Variants in P2RX1 observed in about 807,000 individuals in gnomAD.
P2RX1 encodes purinergic receptor P2X 1.
P2RX1 carries 42 observed loss-of-function variants against 50.3 expected under a neutral mutation model. The ratio of observed to expected loss-of-function variants is 0.83; its 90% CI spans 0.65 to 1.08. P2RX1 has a LOEUF of 1.08. Ranked by LOEUF, P2RX1 falls within the 50% of genes least tolerant of loss-of-function variation. The pLI, the probability that P2RX1 is intolerant of heterozygous loss-of-function variation, is 0.00. For missense variants in P2RX1, 449 were observed against 529.0 expected (o/e 0.85, Z 1.48); for synonymous variants, 199 against 202.6 (o/e 0.98, Z 0.15).
Position 3,905,331 on chromosome 17 carries a change from C to T in P2RX1, c.174G>A (p.Ser58=), listed in dbSNP as rs145994135. 1.9e-4 allele frequency: 310 copies of T among 1,613,792 alleles called. No individual in the cohort carries two copies. Among genetic ancestry groups the T allele is most frequent in the Non-Finnish European group, 2.3e-4 (267 of 1,180,036 alleles). ...VFLYEKGYQT[S]SGLISSVSVK... ...CAGAGACACTGCTGATGAGGCCGCT[C>T]GAGGTCTGGTAGCCCTTCTCATAGA... Residue 58 remains serine, a synonymous_variant, in exon 2 of 12, where the codon TCG becomes TCA. Coordinates refer to ENST00000225538, the MANE Select transcript of P2RX1 (RefSeq NM_002558.4).
chr17:3,913,210 C>T (rs1408386396), intron 1 of P2RX1, among the ~76,000 whole-genome samples: 1 of 151,302 alleles, frequency 6.6e-6, no homozygotes, highest in Non-Finnish European at 1.5e-5. Context: ...CAGCTCCACT[C>T]TGCCTCCAGG....
intron 1 of P2RX1, among the ~76,000 whole-genome samples, chr17:3,908,052 T>C (rs576792140): frequency 6.6e-5 from 10 of 152,260 alleles, no homozygotes; most frequent in African/African-American, 1.9e-4. Context: ...CGGTCTCAAG[T>C]GTCCCCATGC....
intron 1 of P2RX1, among the ~76,000 whole-genome samples, chr17:3,908,855 G>A (rs577770261): frequency 3.9e-5 from 6 of 152,332 alleles, no homozygotes; most frequent in Admixed American, 1.3e-4. Context: ...CAGCTGTGTG[G>A]CTTCAGGCTA....
At chr17:3,902,881 T>C (rs1280840123) in intron 7 of P2RX1, among the ~76,000 whole-genome samples, 1 of 151,968 alleles carries the variant, frequency 6.6e-6, no homozygotes, top group East Asian at 1.9e-4. Context: ...AGTGCTGGGA[T>C]TATAGGCACG....
At chr17:3,912,182 C>T (rs1181340463) in intron 1 of P2RX1, among the ~76,000 whole-genome samples, 1 of 152,210 alleles carries the variant, frequency 6.6e-6, no homozygotes, top group Non-Finnish European at 1.5e-5. Context: ...AGGAATTCCT[C>T]ATCCCCTCTC....
rs57174720 is a variant in P2RX1, at chr17:3,898,161, C to T, written c.1033-51G>A. ...CAGCGTGGGAATCCGGGGGTGGGTA[C>T]GGAGCCCTCCACATCCCACCTCAGT... is the stretch of plus-strand genomic sequence containing the variant. On this transcript the variant is annotated intron_variant, in intron 10 of 11. Coordinates refer to ENST00000225538, the MANE Select transcript of P2RX1 (RefSeq NM_002558.4). The T allele has an allele frequency of 0.01, 14,814 of 1,478,038 alleles. 1,188 individuals are homozygous for T. The African/African-American group carries it at 0.18, about 18-fold the overall frequency. 91.6% of individuals were successfully genotyped at this position (1,478,038 alleles called of 1,614,324 possible). A position where few individuals can be genotyped will look rare whatever the true frequency, so the allele number is the denominator to read the frequency against.
intron 7 of P2RX1, among the ~76,000 whole-genome samples, chr17:3,902,045 A>C (rs1438955375): frequency 6.6e-6 from 1 of 152,202 alleles, no homozygotes; most frequent in African/African-American, 2.4e-5. Context: ...CTTCTTCGGA[A>C]TCCCAGGTGA....
At chr17:3,899,052 G>T in intron 8 of P2RX1, 28 bp from the exon 9 acceptor site, 2 of 1,498,698 alleles carry the variant, frequency 1.3e-6, no homozygotes, top group South Asian at 1.1e-5. Flanking sequence ...GTGGCAGGAG[G>T]GTGATGGAGG....
At chr17:3,906,333 G>A (rs760007309) in intron 1 of P2RX1, among the ~76,000 whole-genome samples, 29 of 152,242 alleles carry the variant, frequency 1.9e-4, no homozygotes, top group East Asian at 3.9e-4. Context: ...GGGTTTCACC[G>A]TGTTGGCCAG....
rs2056244303 is a variant in P2RX1 at position 3,905,370 on chromosome 17, G to C, written c.138-3C>G. The C allele has an allele frequency of 6.2e-7, 1 of 1,613,462 alleles. No homozygotes were observed. The highest frequency in any genetic ancestry group is 1.1e-5 in the South Asian group (1 of 91,086). On this transcript the variant is annotated splice_polypyrimidine_tract_variant and splice_region_variant and intron_variant, in intron 1 of 11. Transcript: ENST00000225538. ...CCTTCTCATAGAGAAACACCCACCT[G>C]TGCGGGTGGGGACAGAGGGGGAGTT...
chr17:3,901,260 G>A (rs1214811039), intron 7 of P2RX1, among the ~76,000 whole-genome samples: 1 of 152,196 alleles, frequency 6.6e-6, no homozygotes, highest in African/African-American at 2.4e-5. Context: ...GTAGAGACGG[G>A]GTTTCACCGT....
intron 7 of P2RX1, among the ~76,000 whole-genome samples, chr17:3,901,316 C>T (rs1300085035): frequency 3.3e-5 from 5 of 152,360 alleles, no homozygotes; most frequent in African/African-American, 1.2e-4. Context: ...ATCCGCCCGC[C>T]TTGGCCTCCC....
chr17:3,911,565 T>C (rs2056365263), intron 1 of P2RX1, among the ~76,000 whole-genome samples: 2 of 134,568 alleles, frequency 1.5e-5, no homozygotes, highest in South Asian at 5.3e-4. Flanking sequence ...CTGCGGCCTC[T>C]TCACAGCTGT....
intron 1 of P2RX1, among the ~76,000 whole-genome samples, chr17:3,913,555 C>T (rs892171360): frequency 2.0e-5 from 3 of 152,226 alleles, no homozygotes; most frequent in African/African-American, 7.2e-5. Context: ...ACCATGGCCT[C>T]GGTTTTCCTC....
Position 3,905,312 on chromosome 17 carries a change from C to T in P2RX1, c.193G>A (p.Val65Ile). 1 of 1,614,002 alleles carries T rather than the reference C, an allele frequency of 6.2e-7. No individual in the cohort carries two copies. Among genetic ancestry groups the T allele is most frequent in the Non-Finnish European group, 8.5e-7 (1 of 1,180,034 alleles). Residue 65 changes from valine to isoleucine, a missense_variant, in exon 2 of 12, where the codon GTC becomes ATC. Physicochemically the swap from Val to Ile is conservative, Grantham distance 29. Transcript: ENST00000225538. ...YQTSSGLISS[V>I]SVKLKGLAVT... Reference sequence around the variant, plus strand: ...GCCAGGCCCTTGAGTTTCACAGAGACACTGCTGATGAGGCCGCTCGAGGTC... The same window carrying T: ...GCCAGGCCCTTGAGTTTCACAGAGATACTGCTGATGAGGCCGCTCGAGGTC...
chr17:3,898,863 A>G, intron 9 of P2RX1, 71 bp downstream of exon 9: 1 of 1,210,938 alleles, frequency 8.3e-7, no homozygotes, highest in Non-Finnish European at 1.2e-6. Flanking sequence ...CTATAACTGT[A>G]GATGCCCAAA....
rs746174048 is a variant in P2RX1, at chr17:3,903,671, G to A, written c.525-40C>T. 1 of 1,596,834 alleles carries A rather than the reference G, an allele frequency of 6.3e-7. No homozygotes were observed. Among genetic ancestry groups the A allele is most frequent in the Admixed American group, 1.7e-5 (1 of 60,000 alleles). ...ACGCACTCACCGCCCCTCCCCAGGA[G>A]GCCCCCTGTGTGTCCCACACAGAGC... On this transcript the variant is annotated intron_variant, in intron 5 of 11. Coordinates refer to ENST00000225538, the MANE Select transcript of P2RX1 (RefSeq NM_002558.4). The surrounding 1 kb of genome is among the most constrained non-coding windows in gnomAD (Gnocchi z 4.6).
chr17:3,904,578 C>T, intron 3 of P2RX1, 179 bp from the exon 4 acceptor site: 1 of 669,508 alleles, frequency 1.5e-6, no homozygotes. Context: ...GCCGAGGCGC[C>T]CCCCGGGCTC....
At chr17:3,901,242 T>C (rs574245648) in intron 7 of P2RX1, among the ~76,000 whole-genome samples, 2 of 152,306 alleles carry the variant, frequency 1.3e-5, no homozygotes, top group East Asian at 1.9e-4. Flanking sequence ...TAATTTTTTA[T>C]ATTTTTAGTA....
Sources: gnomAD v4.1 joint callset for allele counts (sites outside exome capture counted in the v4.1 genomes callset) on GRCh38, gnomAD v4.1.1 for gene constraint, Gnocchi (gnomAD v3.1) non-coding constraint, MANE v1.5 for transcripts, NCBI Gene and HGNC (gene_info 2026-07-23, HGNC 2026-07-21) for gene names.